The following NLGN1 variants were observed in gnomAD, a reference collection of about 807,000 sequenced individuals.
The protein encoded by NLGN1 is neuroligin 1, also known as neuroligin-1.
A neutral mutation model predicts 65.5 loss-of-function variants in NLGN1; 12 were observed. That is an observed-to-expected ratio of 0.18 (90% confidence interval 0.12 to 0.30). The LOEUF (loss-of-function observed/expected upper bound fraction) is 0.30, where lower values mean the gene tolerates loss of function less well. Among genes scored for constraint, NLGN1 ranks in the 10% least tolerant of loss-of-function variants. The pLI is 1.00. For missense variants in NLGN1, 750 were observed against 1,007.1 expected (o/e 0.74, Z 3.46); for synonymous variants, 350 against 359.5 (o/e 0.97, Z 0.30).
chr3:173,742,224 A>C (rs1257763288), intron 3 of NLGN1, among the ~76,000 whole-genome samples: 1 of 152,062 alleles, frequency 6.6e-6, no homozygotes, highest in Non-Finnish European at 1.5e-5. Flanking sequence ...TGAAACTAAA[A>C]CTCATGGAAT....
intron 2 of NLGN1, among the ~76,000 whole-genome samples, chr3:173,477,193 G>A (rs1726372433): frequency 6.6e-6 from 1 of 152,098 alleles, no homozygotes; most frequent in Non-Finnish European, 1.5e-5. Context: ...AATGTAAATG[G>A]TGTCATTTAC....
intron 4 of NLGN1, among the ~76,000 whole-genome samples, chr3:173,880,538 T>C (rs1733019382): frequency 6.6e-6 from 1 of 151,420 alleles, no homozygotes; most frequent in Non-Finnish European, 1.5e-5. Context: ...TACCCTATAC[T>C]GTTGTCCATT....
At chr3:173,989,403 G>A (rs892116813) in intron 4 of NLGN1, among the ~76,000 whole-genome samples, 2 of 152,110 alleles carry the variant, frequency 1.3e-5, no homozygotes, top group Non-Finnish European at 2.9e-5. Flanking sequence ...TCTCCCATGG[G>A]CAACACTTGA....
intron 1 of NLGN1, among the ~76,000 whole-genome samples, chr3:173,432,139 C>A (rs1717296994): frequency 6.6e-6 from 1 of 152,150 alleles, no homozygotes; most frequent in South Asian, 2.1e-4. Flanking sequence ...TGAAGAACAT[C>A]TTAGATTCTT....
intron 2 of NLGN1, among the ~76,000 whole-genome samples, chr3:173,498,672 A>C (rs1730461548): frequency 6.6e-6 from 1 of 151,836 alleles, no homozygotes; most frequent in Non-Finnish European, 1.5e-5. Flanking sequence ...TCCCACCAAT[A>C]GTGTAAAAGT....
chr3:174,031,949 C>CA (rs57187388), intron 4 of NLGN1, among the ~76,000 whole-genome samples: 4,847 of 147,710 alleles, frequency 0.033, 252 homozygotes, highest in African/African-American at 0.11. Context: ...GCTTTAATAA[C>CA]AAAAAAAAAT....
At chr3:173,493,678 C>G (rs1259587330) in intron 2 of NLGN1, among the ~76,000 whole-genome samples, 2 of 151,666 alleles carry the variant, frequency 1.3e-5, no homozygotes, top group African/African-American at 4.9e-5. Flanking sequence ...GCACAGAAGG[C>G]CAAATACTTT....
At chr3:173,769,430 A>T (rs892594098) in intron 3 of NLGN1, among the ~76,000 whole-genome samples, 1 of 152,132 alleles carries the variant, frequency 6.6e-6, no homozygotes, top group Admixed American at 6.5e-5. Context: ...TATGAGGGCC[A>T]TGTGTTTCCT....
rs115385930 is a variant in NLGN1, at chr3:174,074,319, A to G, written c.647-200996A>G. The stretch of plus-strand genomic sequence containing the variant: ...TTGGCAAAGATGATAATGTGCTAAT[A>G]TTTATGGTTAAGCTTCTGTGGTTGG... On this transcript the variant is annotated intron_variant, in intron 4 of 6. Transcript: ENST00000457714. Among the ~76,000 whole-genome samples, 1,156 of 152,302 alleles carry G rather than the reference A, an allele frequency of 7.6e-3. 11 individuals are homozygous for G. Among genetic ancestry groups the G allele is most frequent in the Non-Finnish European group, 0.013 (908 of 68,030 alleles).
At chr3:174,140,972 T>A (rs1722175686) in intron 4 of NLGN1, among the ~76,000 whole-genome samples, 1 of 152,162 alleles carries the variant, frequency 6.6e-6, no homozygotes. Context: ...TATTATCATT[T>A]GTTATTTCTA....
chr3:173,725,153 T>A (rs1480185963), intron 3 of NLGN1, among the ~76,000 whole-genome samples: 2 of 152,066 alleles, frequency 1.3e-5, no homozygotes, highest in East Asian at 3.9e-4. Flanking sequence ...ATTGTGCACA[T>A]GTACCCTAGA....
chr3:173,618,953 C>G (rs1301433500), intron 3 of NLGN1, among the ~76,000 whole-genome samples: 2 of 152,092 alleles, frequency 1.3e-5, no homozygotes, highest in African/African-American at 4.8e-5. Flanking sequence ...GGCTGGTAGT[C>G]TGTGCAGTCC....
intron 2 of NLGN1, among the ~76,000 whole-genome samples, chr3:173,495,810 G>C (rs1560337551): frequency 6.6e-6 from 1 of 151,254 alleles, no homozygotes; most frequent in South Asian, 2.1e-4. Context: ...CCCCATACCA[G>C]TAAATCTTCA....
chr3:174,139,552 A>C (rs1287341097), intron 4 of NLGN1, among the ~76,000 whole-genome samples: 1 of 152,060 alleles, frequency 6.6e-6, no homozygotes, highest in Non-Finnish European at 1.5e-5. Flanking sequence ...AAGTTTTGGC[A>C]ATTATGAATA....
intron 4 of NLGN1, among the ~76,000 whole-genome samples, chr3:174,168,138 C>T (rs1727875186): frequency 6.6e-6 from 1 of 151,996 alleles, no homozygotes; most frequent in Non-Finnish European, 1.5e-5. Context: ...GAGGATTTCT[C>T]TGTGTTGATT....
chr3:174,280,993 A>T lies in NLGN1; in HGVS notation c.2162A>T (p.Asp721Val), dbSNP rs1243419519. ...AGCCCTCAGCGCACTACTACCAATG[A>T]TCTAACCCATGCACAAGAAGAGGAA... is the stretch of plus-strand genomic sequence containing the variant. Residue 721 changes from aspartate (D) to valine (V), a missense_variant, in exon 7 of 7, where the codon GAT becomes GTT. Asp to Val is a radical substitution (Grantham distance 152, BLOSUM62 -3). Transcript: ENST00000457714. The surrounding 1 kb of genome is among the most constrained non-coding windows in gnomAD (Gnocchi z 4.9). 5.0e-6 allele frequency: 8 copies of T among 1,613,218 alleles called. No homozygotes were observed. Among genetic ancestry groups the T allele is most frequent in the Non-Finnish European group, 6.8e-6 (8 of 1,179,584 alleles).
chr3:173,988,654 G>A (rs75022971), intron 4 of NLGN1, among the ~76,000 whole-genome samples: 4,338 of 152,138 alleles, frequency 0.029, 103 homozygotes, highest in Non-Finnish European at 0.041. Context: ...AGCTATGCAG[G>A]CAGAAATTAA....
At chr3:174,170,220 G>GA (rs796666460) in intron 4 of NLGN1, among the ~76,000 whole-genome samples, 448 of 138,068 alleles carry the variant, frequency 3.2e-3, no homozygotes, top group Non-Finnish European at 4.3e-3. Flanking sequence ...TATCATCTTT[G>GA]AAAAAAAAAA....
chr3:173,924,481 A>G (rs758169283), intron 4 of NLGN1, among the ~76,000 whole-genome samples: 9 of 151,948 alleles, frequency 5.9e-5, no homozygotes, highest in Non-Finnish European at 8.8e-5. Flanking sequence ...TGTGGCCTTC[A>G]GAGTCAATTA....
Sources: gnomAD v4.1 joint callset for allele counts (sites outside exome capture counted in the v4.1 genomes callset) on GRCh38, gnomAD v4.1.1 for gene constraint, Gnocchi (gnomAD v3.1) non-coding constraint, MANE v1.5 for transcripts, NCBI Gene and HGNC (gene_info 2026-07-23, HGNC 2026-07-21) for gene names.